GRK7: variants seen among roughly 807,000 people sequenced by gnomAD.
The protein encoded by GRK7 is G protein-coupled receptor kinase 7.
Under a neutral mutation model 34.1 loss-of-function variants are expected in GRK7, and 24 were observed. The observed-to-expected ratio is 0.70, with a 90% CI of 0.51 to 0.99. The LOEUF (loss-of-function observed/expected upper bound fraction) is 0.99, where lower values mean the gene tolerates loss of function less well. GRK7 is among the 50% of genes least tolerant of loss of function. The probability of loss-of-function intolerance (pLI) is 0.00; values close to 1 mark genes in which losing one functional copy is unlikely to be tolerated. For synonymous variants in GRK7, 256 were observed against 279.4 expected (o/e 0.92, Z 0.84); for missense variants, 644 against 707.3 (o/e 0.91, Z 1.02).
chr3:141,795,563 G>A (rs1017883301), intron 4 of GRK7, among the ~76,000 whole-genome samples: 13 of 152,186 alleles, frequency 8.5e-5, no homozygotes, highest in Non-Finnish European at 1.3e-4. Flanking sequence ...CCTAGGGGCT[G>A]GAGGAGTTGC....
At position 141,764,565 on chromosome 3, in the gene GRK7, C is replaced by G. The variant is rs894848147; in HGVS notation, c.-1388C>G. Among the ~76,000 whole-genome samples the G allele has an allele frequency of 2.6e-5, 4 of 152,154 alleles. No individual in the cohort carries two copies. The stretch of plus-strand genomic sequence containing the variant: ...CTCTCCTAATACCCCACTGCCCTCA[C>G]CTCCTCAAACTCTAGGGCTCAGTCC... On this transcript the variant is annotated 5_prime_UTR_variant, in exon 1 of 6. Coordinates refer to ENST00000682958, the MANE Select transcript of GRK7 (RefSeq NM_139209.3).
intron 2 of GRK7, among the ~76,000 whole-genome samples, chr3:141,776,623 G>A (rs1377556045): frequency 6.6e-6 from 1 of 152,140 alleles, no homozygotes; most frequent in Non-Finnish European, 1.5e-5. Context: ...AAAGCCAAAG[G>A]GCACCCACGA....
In GRK7 at chr3:141,780,397, C is replaced by T. The variant is rs2084665910; in HGVS notation, c.636C>T (p.Asn212=). The change falls in exon 4 of 6, where the codon AAC becomes AAT. Residue 212 remains asparagine, a synonymous_variant. Coordinates refer to ENST00000682958, the MANE Select transcript of GRK7 (RefSeq NM_139209.3). ...FGEVCAVQVK[N]TGKMYACKKL... ...AGGTATGTGCCGTCCAGGTGAAAAA[C>T]ACTGGGAAGATGTATGCCTGTAAGA... The T allele has an allele frequency of 1.2e-6, 2 of 1,614,002 alleles. No homozygotes were observed. The highest frequency in any genetic ancestry group is 2.2e-5 in the South Asian group (2 of 91,080).
intron 2 of GRK7, among the ~76,000 whole-genome samples, chr3:141,776,865 C>G (rs758403293): frequency 8.9e-4 from 136 of 152,152 alleles, no homozygotes; most frequent in Non-Finnish European, 1.6e-3. Context: ...TTTAAGCTGC[C>G]TTAGCCTTGC....
chr3:141,807,881 C>A lies in GRK7; in HGVS notation c.1287C>A (p.Leu429=), dbSNP rs1266771127. The change falls in exon 5 of 6, where the codon CTC becomes CTA. Residue 429 remains leucine (L), a synonymous_variant. Transcript: ENST00000682958. ...FTEEAKDICR[L]FLAKKPEQRL... is the part of the protein sequence containing the mutation. ...AGGAAGCAAAAGATATTTGCAGGCT[C>A]TTCTTGGCTAAGAAACCAGAGCAAC... 1.9e-6 allele frequency: 3 copies of A among 1,606,050 alleles called. No homozygotes were observed. In the African/African-American group the frequency reaches 4.0e-5, roughly 22 times the overall value.
intron 5 of GRK7, among the ~76,000 whole-genome samples, chr3:141,814,844 T>C (rs1365750981): frequency 2.0e-5 from 3 of 152,232 alleles, no homozygotes; most frequent in Non-Finnish European, 1.5e-5. Context: ...CCATCAACAA[T>C]GTGTAAGCAT....
chr3:141,760,160 T>C (rs1295037451), upstream of GRK7, among the ~76,000 whole-genome samples: 1 of 151,802 alleles, frequency 6.6e-6, no homozygotes, highest in African/African-American at 2.4e-5. Flanking sequence ...CTGCTAGCTT[T>C]TGAATGTGTT....
In GRK7 at chr3:141,807,858, G is replaced by C. The variant is rs937117539; in HGVS notation, c.1264G>C (p.Glu422Gln). The change falls in exon 5 of 6, where the codon GAA (glutamate) becomes CAA (glutamine). Residue 422 changes from glutamate to glutamine, a missense_variant. Transcript: ENST00000682958. The stretch of plus-strand genomic sequence containing the variant: ...ATTCCAGCATGATAACTTCACAGAG[G>C]AAGCAAAAGATATTTGCAGGCTCTT... ...VKFQHDNFTE[E>Q]AKDICRLFLA... 1 of 1,611,402 alleles carries C rather than the reference G, an allele frequency of 6.2e-7. No homozygotes were observed. Among genetic ancestry groups the C allele is most frequent in the East Asian group, 2.2e-5 (1 of 44,850 alleles).
chr3:141,804,812 T>TACAAACATGCTCAC (rs1304902499), intron 4 of GRK7, among the ~76,000 whole-genome samples: 11 of 147,008 alleles, frequency 7.5e-5, no homozygotes, highest in African/African-American at 2.8e-4. Flanking sequence ...CACATGCACA[T>TACAAACATGCTCAC]ACAAACATGC....
At position 141,766,526 on chromosome 3, in the gene GRK7, G is replaced by GA. The variant is rs887831670; in HGVS notation, c.-215+798dup. 7.0e-3 allele frequency among the ~76,000 whole-genome samples: 1,027 copies of GA among 146,350 alleles called. 7 individuals are homozygous for GA. Among genetic ancestry groups the GA allele is most frequent in the African/African-American group, 0.024 (971 of 40,062 alleles). ...ATTACTTTTATTCGCCACCAAATGT[G>GA]AAAAAAAAAAGTCTTTAAAGCAGAC... On this transcript the variant is annotated intron_variant, in intron 1 of 5. Transcript: ENST00000682958.
chr3:141,804,809 A>C (rs1462142531), intron 4 of GRK7, among the ~76,000 whole-genome samples: 1 of 150,974 alleles, frequency 6.6e-6, no homozygotes, highest in African/African-American at 2.5e-5. Context: ...ACACACATGC[A>C]CATACAAACA....
At chr3:141,790,964 A>C (rs1341377825) in intron 4 of GRK7, among the ~76,000 whole-genome samples, 2 of 152,252 alleles carry the variant, frequency 1.3e-5, no homozygotes, top group African/African-American at 4.8e-5. Context: ...AAAAGATTCC[A>C]AGTAAATATA....
intron 1 of GRK7, among the ~76,000 whole-genome samples, chr3:141,772,302 C>T (rs2084620460): frequency 6.6e-6 from 1 of 151,634 alleles, no homozygotes; most frequent in East Asian, 2.0e-4. Flanking sequence ...ACCATATTGG[C>T]CAGGCTGGTC....
intron 3 of GRK7, among the ~76,000 whole-genome samples, 194 bp downstream of exon 3, chr3:141,779,090 A>G (rs1252853293): frequency 6.6e-6 from 1 of 152,116 alleles, no homozygotes; most frequent in East Asian, 1.9e-4. Context: ...ATGGCATGAG[A>G]GAGACAAGCA....
rs1879287 is a variant in GRK7, at chr3:141,819,089, G to A, written c.*2039G>A. Among the ~76,000 whole-genome samples, 4,736 of 152,078 alleles carry A rather than the reference G, an allele frequency of 0.031. 242 individuals are homozygous for A. Among genetic ancestry groups the A allele is most frequent in the African/African-American group, 0.11 (4,517 of 41,470 alleles). On this transcript the variant is annotated 3_prime_UTR_variant, in exon 6 of 6. Transcript: ENST00000682958. ...AGAAAGTAAATTAAAGTTTGGTTAA[G>A]TTTTGAACAAGTCCCTTTTAACAAA... is the stretch of plus-strand genomic sequence containing the variant.
the GRK7 span, among the ~76,000 whole-genome samples, chr3:141,751,034 C>T: frequency 6.6e-6 from 1 of 151,912 alleles, no homozygotes; most frequent in Non-Finnish European, 1.5e-5. Flanking sequence ...GGCAACACAG[C>T]GAGACTCCAT....
chr3:141,770,647 T>C (rs1484098721), intron 1 of GRK7, among the ~76,000 whole-genome samples: 1 of 151,296 alleles, frequency 6.6e-6, no homozygotes, highest in Admixed American at 6.6e-5. Flanking sequence ...CCAACAAGCA[T>C]ATAAAAAATA....
chr3:141,774,376 T>C (rs1306712869), intron 1 of GRK7, among the ~76,000 whole-genome samples: 2 of 151,770 alleles, frequency 1.3e-5, no homozygotes, highest in Non-Finnish European at 2.9e-5. Flanking sequence ...GAACTGAGAT[T>C]GAGCCACTGC....
At chr3:141,768,178 C>T (rs1160192157) in intron 1 of GRK7, among the ~76,000 whole-genome samples, 2 of 152,078 alleles carry the variant, frequency 1.3e-5, no homozygotes, top group African/African-American at 4.8e-5. Context: ...GACCCACACT[C>T]CTGTGCTGTC....
Sources: gnomAD v4.1 joint callset for allele counts (sites outside exome capture counted in the v4.1 genomes callset) on GRCh38, gnomAD v4.1.1 for gene constraint, MANE v1.5 for transcripts, NCBI Gene and HGNC (gene_info 2026-07-23, HGNC 2026-07-21) for gene names.